RSRC1: variants seen among roughly 807,000 people sequenced by gnomAD.
RSRC1 encodes serine/Arginine-related protein 53.
RSRC1 carries 39 observed loss-of-function variants against 49.1 expected under a neutral mutation model. The observed-to-expected ratio is 0.79, with a 90% CI of 0.61 to 1.04. The LOEUF (loss-of-function observed/expected upper bound fraction) is 1.04. Ranked by LOEUF, RSRC1 falls within the 50% of genes least tolerant of loss-of-function variation. RSRC1 has a pLI of 0.00. For synonymous variants in RSRC1, 143 were observed against 130.8 expected (o/e 1.09, Z -0.63); for missense variants, 388 against 402.4 (o/e 0.96, Z 0.31).
At chr3:158,534,493 C>T (rs1404095916) in intron 7 of RSRC1, among the ~76,000 whole-genome samples, 1 of 151,532 alleles carries the variant, frequency 6.6e-6, no homozygotes, top group Non-Finnish European at 1.5e-5. Context: ...GCTGAGTATA[C>T]AATCAATCCT....
In RSRC1 at chr3:158,345,187, G is replaced by A. The variant is rs138646481; in HGVS notation, c.532-9670G>A. 7.9e-3 allele frequency among the ~76,000 whole-genome samples: 1,204 copies of A among 151,516 alleles called. 6 individuals are homozygous for A. Among genetic ancestry groups the A allele is most frequent in the Non-Finnish European group, 0.013 (911 of 67,900 alleles). The stretch of plus-strand genomic sequence containing the variant: ...AGTTGCAGTGAGCCGAGATTGTGCC[G>A]CTGCACTCCAGTGTGGGCGACAGAG... On this transcript the variant is annotated intron_variant, in intron 5 of 9. Transcript: ENST00000611884.
chr3:158,444,244 C>G (rs112616066), intron 6 of RSRC1, among the ~76,000 whole-genome samples: 8,156 of 152,240 alleles, frequency 0.054, 313 homozygotes, highest in South Asian at 0.1. Context: ...ATCACACTAC[C>G]TGACTTCAAA....
intron 1 of RSRC1, among the ~76,000 whole-genome samples, chr3:158,121,671 A>G (rs1211712644): frequency 6.6e-6 from 1 of 152,226 alleles, no homozygotes; most frequent in African/African-American, 2.4e-5. Flanking sequence ...GAATGTGAGA[A>G]TAAAGGAATA....
intron 5 of RSRC1, among the ~76,000 whole-genome samples, chr3:158,305,407 C>G (rs1418551815): frequency 6.6e-6 from 1 of 152,102 alleles, no homozygotes; most frequent in African/African-American, 2.4e-5. Context: ...ATTAAAGTAA[C>G]TCCCACTTCT....
rs555688077 is a variant in RSRC1 at position 158,393,014 on chromosome 3, A to G, written c.583+38106A>G. Among the ~76,000 whole-genome samples the G allele has an allele frequency of 1.1e-4, 17 of 152,236 alleles. No individual in the cohort carries two copies. The South Asian group carries it at 2.7e-3, about 24-fold the overall frequency. ...GCAGTGAAAATAGAAATCAATACTA[A>G]GAAGATTGCTCAAAACCATATAATT... On this transcript the variant is annotated intron_variant, in intron 6 of 9. Transcript: ENST00000611884.
At chr3:158,526,305 A>G (rs1477292876) in intron 7 of RSRC1, among the ~76,000 whole-genome samples, 3 of 152,024 alleles carry the variant, frequency 2.0e-5, no homozygotes, top group Non-Finnish European at 2.9e-5. Context: ...AAGGCTACAG[A>G]GCAGCCTAGT....
At chr3:158,154,375 A>C (rs966523801) in intron 3 of RSRC1, among the ~76,000 whole-genome samples, 2 of 152,102 alleles carry the variant, frequency 1.3e-5, no homozygotes, top group Non-Finnish European at 2.9e-5. Flanking sequence ...ATAAGACAAC[A>C]ATAAAGTTTG....
At chr3:158,490,897 A>T (rs1739059455) in intron 7 of RSRC1, among the ~76,000 whole-genome samples, 1 of 152,232 alleles carries the variant, frequency 6.6e-6, no homozygotes, top group Non-Finnish European at 1.5e-5. Context: ...AAGGACAAAG[A>T]TTAACAGTGG....
At chr3:158,420,225 T>C (rs1447968843) in intron 6 of RSRC1, among the ~76,000 whole-genome samples, 4 of 152,106 alleles carry the variant, frequency 2.6e-5, no homozygotes, top group Non-Finnish European at 4.4e-5. Flanking sequence ...TAAAGATAGG[T>C]AAGCAAAATA....
At chr3:158,283,998 C>A (rs903252316) in intron 4 of RSRC1, among the ~76,000 whole-genome samples, 7 of 151,286 alleles carry the variant, frequency 4.6e-5, no homozygotes, top group Admixed American at 1.3e-4. Flanking sequence ...CCATTAACTC[C>A]TCATTTAGCA....
chr3:158,297,267 TTAAC>T (rs1018405325), intron 4 of RSRC1, among the ~76,000 whole-genome samples: 6 of 152,064 alleles, frequency 3.9e-5, no homozygotes, highest in Non-Finnish European at 4.4e-5. Context: ...CAGAAAAAAT[TTAAC>T]TATTTGCCAC....
chr3:158,502,273 C>G (rs1739641489), intron 7 of RSRC1, among the ~76,000 whole-genome samples: 1 of 152,180 alleles, frequency 6.6e-6, no homozygotes, highest in South Asian at 2.1e-4. Context: ...TTACCTGGTA[C>G]TTCTGTCTCA....
chr3:158,223,676 G>A (rs1451506368), intron 4 of RSRC1, among the ~76,000 whole-genome samples: 1 of 150,326 alleles, frequency 6.7e-6, no homozygotes, highest in Non-Finnish European at 1.5e-5. Context: ...TGTAAGTCAT[G>A]TTATGTCACT....
chr3:158,219,837 T>C (rs1722135201), intron 4 of RSRC1, among the ~76,000 whole-genome samples: 1 of 151,612 alleles, frequency 6.6e-6, no homozygotes, highest in Non-Finnish European at 1.5e-5. Context: ...AGTTATTTAA[T>C]ACTGAATGAT....
chr3:158,138,283 C>A (rs541896658), intron 3 of RSRC1, among the ~76,000 whole-genome samples: 62 of 152,330 alleles, frequency 4.1e-4, no homozygotes, highest in African/African-American at 1.5e-3. Context: ...GGCTCCTCTT[C>A]ACTGGTATAG....
rs1713234820 is a variant in RSRC1 at position 158,544,847 on chromosome 3, A to C, written c.*572A>C. 6.6e-6 allele frequency: 1 copy of C among 152,262 alleles called. No homozygotes were observed. The highest frequency in any genetic ancestry group is 1.9e-4 in the East Asian group (1 of 5,202). The allele number at this position is 152,262 out of a possible 1,614,324, so 9.4% of individuals were successfully genotyped here. On this transcript the variant is annotated 3_prime_UTR_variant, in exon 10 of 10. Transcript: ENST00000611884. ...TTGCTTAGAGATCAGCTTCTACTAGATGCTCCTTTACAACATGTTAGCAGA... is the reference window on the plus strand; with the variant it reads ...TTGCTTAGAGATCAGCTTCTACTAGCTGCTCCTTTACAACATGTTAGCAGA...
In RSRC1 at chr3:158,545,218, T is replaced by TTTTTTTTTTTG. The variant is rs1560082397; in HGVS notation, c.*944_*945insTTTTTTTTTGT. On this transcript the variant is annotated 3_prime_UTR_variant, in exon 10 of 10. Transcript: ENST00000611884. ...CTTTTTTTTTTTTTTTTTTTTTTTT[T>TTTTTTTTTTTG]TGAGACGGAGTCTCGCTCTATCCCC... 7.2e-6 allele frequency: 1 copy of TTTTTTTTTTTG among 139,460 alleles called. No homozygotes were observed. Among genetic ancestry groups the TTTTTTTTTTTG allele is most frequent in the African/African-American group, 2.8e-5 (1 of 36,276 alleles). 8.6% of individuals were successfully genotyped at this position (139,460 alleles called of 1,614,324 possible).
chr3:158,303,963 A>G (rs1007817847), intron 5 of RSRC1, among the ~76,000 whole-genome samples: 5 of 152,214 alleles, frequency 3.3e-5, no homozygotes, highest in Non-Finnish European at 4.4e-5. Flanking sequence ...GAAAAGAATT[A>G]CAAGTGTTTA....
intron 4 of RSRC1, among the ~76,000 whole-genome samples, chr3:158,264,166 G>A (rs1342382280): frequency 3.9e-5 from 6 of 151,974 alleles, no homozygotes; most frequent in Admixed American, 6.6e-5. Context: ...TCATGTAGGC[G>A]TTTAGTATTA....
Sources: gnomAD v4.1 joint callset for allele counts (sites outside exome capture counted in the v4.1 genomes callset) on GRCh38, gnomAD v4.1.1 for gene constraint, MANE v1.5 for transcripts, NCBI Gene and HGNC (gene_info 2026-07-23, HGNC 2026-07-21) for gene names.